The following GPC5 variants were observed in gnomAD, a reference collection of about 807,000 sequenced individuals.
The protein encoded by GPC5 is glypican-5.
Under a neutral mutation model 53.9 loss-of-function variants are expected in GPC5, and 47 were observed. The observed-to-expected ratio is 0.87, with a 90% CI of 0.69 to 1.11. The LOEUF is 1.11. Among genes scored for constraint, GPC5 ranks in the 50% most tolerant of loss-of-function variants. The pLI, the probability that GPC5 is intolerant of heterozygous loss-of-function variation, is 0.00. For synonymous variants in GPC5, 286 were observed against 263.3 expected (o/e 1.09, Z -0.84); for missense variants, 748 against 713.1 (o/e 1.05, Z -0.56).
chr13:92,486,811 C>T (rs1340461398), intron 7 of GPC5, among the ~76,000 whole-genome samples: 1 of 151,718 alleles, frequency 6.6e-6, no homozygotes. Flanking sequence ...TCATGTGATT[C>T]GTGGTCATGT....
intron 7 of GPC5, among the ~76,000 whole-genome samples, chr13:92,327,637 C>T (rs1242254019): frequency 6.6e-6 from 1 of 152,108 alleles, no homozygotes; most frequent in African/African-American, 2.4e-5. Context: ...TCCTAACATT[C>T]ACAGTGGTCT....
chr13:91,784,065 T>C (rs2037839835), intron 5 of GPC5, among the ~76,000 whole-genome samples: 1 of 152,146 alleles, frequency 6.6e-6, no homozygotes, highest in Admixed American at 6.5e-5. Context: ...TTAGAAACTA[T>C]GAGACATATT....
At chr13:91,691,347 C>T (rs908608465) in intron 2 of GPC5, among the ~76,000 whole-genome samples, 1 of 152,108 alleles carries the variant, frequency 6.6e-6, no homozygotes, top group Non-Finnish European at 1.5e-5. Context: ...AATGCAGAGA[C>T]CTGACAATCT....
intron 5 of GPC5, among the ~76,000 whole-genome samples, chr13:91,866,450 C>T (rs1307313554): frequency 6.6e-6 from 1 of 152,048 alleles, no homozygotes; most frequent in East Asian, 1.9e-4. Flanking sequence ...TTTGTGCTGT[C>T]CTCCTGGTAA....
intron 7 of GPC5, among the ~76,000 whole-genome samples, chr13:92,399,087 A>T (rs148514825): frequency 4.6e-5 from 7 of 152,312 alleles, no homozygotes; most frequent in Non-Finnish European, 1.0e-4. Context: ...CTCTACAGAT[A>T]AGAGCCTACC....
At chr13:92,138,141 C>T (rs1053695150) in intron 6 of GPC5, among the ~76,000 whole-genome samples, 3 of 152,036 alleles carry the variant, frequency 2.0e-5, no homozygotes, top group African/African-American at 4.8e-5. Flanking sequence ...GACAGCTATT[C>T]ATGTATGTGG....
chr13:92,285,697 G>T (rs1405657451), intron 7 of GPC5, among the ~76,000 whole-genome samples: 1 of 152,186 alleles, frequency 6.6e-6, no homozygotes, highest in African/African-American at 2.4e-5. Context: ...TATGTGGAAA[G>T]CTGAAACTGG....
intron 1 of GPC5, among the ~76,000 whole-genome samples, chr13:91,441,542 T>C (rs1012436653): frequency 1.3e-5 from 2 of 152,200 alleles, no homozygotes; most frequent in Admixed American, 6.5e-5. Flanking sequence ...TACCATCGAA[T>C]TCATTTTCAG....
chr13:91,647,366 A>G (rs915307123), intron 2 of GPC5, among the ~76,000 whole-genome samples: 1 of 152,212 alleles, frequency 6.6e-6, no homozygotes, highest in African/African-American at 2.4e-5. Context: ...GTTATTTAAA[A>G]CAAAAAGTTA....
chr13:91,642,746 G>A (rs1220031677), intron 2 of GPC5, among the ~76,000 whole-genome samples: 1 of 150,540 alleles, frequency 6.6e-6, no homozygotes, highest in African/African-American at 2.4e-5. Flanking sequence ...TGAGGCTGGA[G>A]CATATTTTAT....
intron 7 of GPC5, among the ~76,000 whole-genome samples, chr13:92,203,213 A>G (rs909494908): frequency 1.3e-4 from 19 of 151,892 alleles, no homozygotes; most frequent in Non-Finnish European, 2.5e-4. Context: ...CACTATTCAC[A>G]ATAGCAAAGA....
intron 7 of GPC5, among the ~76,000 whole-genome samples, chr13:92,663,967 G>T (rs2139192468): frequency 6.7e-6 from 1 of 148,550 alleles, no homozygotes; most frequent in South Asian, 2.1e-4. Context: ...AGCTACTTGG[G>T]AGGCTGAGGC....
At chr13:92,171,827 A>G (rs1181066767) in intron 7 of GPC5, among the ~76,000 whole-genome samples, 1 of 152,180 alleles carries the variant, frequency 6.6e-6, no homozygotes, top group African/African-American at 2.4e-5. Context: ...CATTTGCCAC[A>G]TCCATAACTG....
intron 7 of GPC5, among the ~76,000 whole-genome samples, chr13:92,662,370 G>GTTTTC (rs1428270630): frequency 6.6e-6 from 1 of 152,124 alleles, no homozygotes; most frequent in Non-Finnish European, 1.5e-5. Flanking sequence ...CACCACGGCA[G>GTTTTC]TTTTCTTTTA....
At chr13:92,175,273 C>T (rs1325929933) in intron 7 of GPC5, among the ~76,000 whole-genome samples, 1 of 152,134 alleles carries the variant, frequency 6.6e-6, no homozygotes, top group Non-Finnish European at 1.5e-5. Flanking sequence ...ATGTTTGTTT[C>T]TGTTTATCGA....
At chr13:92,536,214 T>G (rs1881717374) in intron 7 of GPC5, among the ~76,000 whole-genome samples, 2 of 152,166 alleles carry the variant, frequency 1.3e-5, no homozygotes, top group Non-Finnish European at 2.9e-5. Context: ...TTTAAAATCA[T>G]TTGACTATAG....
intron 4 of GPC5, among the ~76,000 whole-genome samples, chr13:91,735,986 T>C (rs1046202659): frequency 6.6e-6 from 1 of 151,356 alleles, no homozygotes. Context: ...AAAAATCTCA[T>C]TGAGATTACA....
intron 6 of GPC5, among the ~76,000 whole-genome samples, chr13:92,044,518 G>A (rs1385618311): frequency 6.6e-6 from 1 of 152,176 alleles, no homozygotes; most frequent in East Asian, 1.9e-4. Flanking sequence ...GCTAACGTAT[G>A]TGTTTTACTT....
intron 7 of GPC5, among the ~76,000 whole-genome samples, chr13:92,153,970 AG>A (rs2138996512): frequency 6.6e-6 from 1 of 152,310 alleles, no homozygotes; most frequent in South Asian, 2.1e-4. Context: ...ATTGTTGTAA[AG>A]AAGTATCTAA....
Sources: allele counts gnomAD v4.1 joint callset (sites outside exome capture counted in the v4.1 genomes callset), GRCh38; gene constraint gnomAD v4.1.1; transcripts MANE v1.5; gene names NCBI Gene and HGNC (gene_info 2026-07-23, HGNC 2026-07-21).